ZNF320: variants seen among roughly 807,000 people sequenced by gnomAD.
ZNF320 encodes zinc finger protein 320, also known as zinc finger gene 320.
ZNF320 carries 2 observed loss-of-function variants against 6.8 expected under a neutral mutation model. The observed-to-expected ratio is 0.29, with a 90% CI of 0.12 to 0.93. The LOEUF is 0.93. ZNF320 is among the 40% of genes least tolerant of loss of function. The pLI, the probability that ZNF320 is intolerant of heterozygous loss-of-function variation, is 0.55. For missense variants in ZNF320, 472 were observed against 611.0 expected, an observed-to-expected ratio of 0.77 and a Z score of 2.40; for synonymous variants, 208 against 203.2, an observed-to-expected ratio of 1.02 and a Z score of -0.20.
At position 52,877,907 on chromosome 19, in the gene ZNF320, A is replaced by C. The variant is rs1429967105; in HGVS notation, c.*2689T>G. On this transcript the variant is annotated 3_prime_UTR_variant, in exon 6 of 6. Coordinates refer to ENST00000682928, the MANE Select transcript of ZNF320 (RefSeq NM_001351774.2). ...TCCATCTCAAAAAAACAAAACAAAC[A>C]AAACAGAATTTAAAATACAGAATTA... is the stretch of plus-strand genomic sequence containing the variant. 1 of 152,250 alleles carries C rather than the reference A, an allele frequency of 6.6e-6. No individual in the cohort carries two copies. The highest frequency in any genetic ancestry group is 2.4e-5 in the African/African-American group (1 of 41,468). The allele number at this position is 152,250 out of a possible 1,614,324, so 9.4% of individuals were successfully genotyped here.
At chr19:52,887,046 T>A (rs2064113889) in intron 5 of ZNF320, among the ~76,000 whole-genome samples, 1 of 133,288 alleles carries the variant, frequency 7.5e-6, no homozygotes, top group South Asian at 2.5e-4. Context: ...AAGAAGTAAA[T>A]AAGGAAAGAG....
In ZNF320 at chr19:52,880,353, T is replaced by G. The variant is rs1302539395; in HGVS notation, c.*243A>C. On this transcript the variant is annotated 3_prime_UTR_variant, in exon 6 of 6. Transcript: ENST00000682928. ...ACAGAGCAAGATTCCATCTTAAAAA[T>G]AAATAAATAAATAAAAGAACATACA... is the stretch of plus-strand genomic sequence containing the variant. 7.6e-6 allele frequency: 3 copies of G among 393,130 alleles called. No individual in the cohort carries two copies. The highest frequency in any genetic ancestry group is 1.4e-5 in the Non-Finnish European group (3 of 220,864). 24.4% of individuals were successfully genotyped at this position (393,130 alleles called of 1,614,324 possible).
At chr19:52,863,321 G>A (rs537157355) in exon 6 of ZNF320, among the ~76,000 whole-genome samples, 61 of 152,252 alleles carry the variant, frequency 4.0e-4, no homozygotes, top group Middle Eastern at 3.4e-3. Flanking sequence ...TGGGAAGGTC[G>A]GGCATGGTGG....
chr19:52,884,506 T>C (rs1292959324), intron 5 of ZNF320, among the ~76,000 whole-genome samples: 1 of 152,094 alleles, frequency 6.6e-6, no homozygotes, highest in African/African-American at 2.4e-5. Flanking sequence ...TTAGTAGAGA[T>C]GGGGTTTTAC....
At chr19:52,889,230 A>G (rs2064207167) in intron 4 of ZNF320, among the ~76,000 whole-genome samples, 1 of 151,966 alleles carries the variant, frequency 6.6e-6, no homozygotes, top group Admixed American at 6.6e-5. Context: ...ACTGAAGAGG[A>G]ATCTCATCTT....
chr19:52,899,639 T>C (rs189204527), upstream of ZNF320, among the ~76,000 whole-genome samples: 400 of 152,178 alleles, frequency 2.6e-3, 5 homozygotes, highest in African/African-American at 7.9e-3. Context: ...TTTTTTGTAT[T>C]TTTAGTAGAG....
rs1204683607 is a variant in ZNF320 at position 52,881,513 on chromosome 19, C to G, written c.613G>C (p.Ala205Pro). 6.2e-7 allele frequency: 1 copy of G among 1,613,912 alleles called. No individual in the cohort carries two copies. Among genetic ancestry groups the G allele is most frequent in the Non-Finnish European group, 8.5e-7 (1 of 1,180,004 alleles). The change falls in exon 6 of 6, where the codon GCA becomes CCA. Residue 205 changes from alanine to proline, a missense_variant. This residue lies in a region of ZNF320 where 462 missense variants were observed against 559.7 expected (regional missense o/e 0.83). Transcript: ENST00000682928. ...CCCCTGTGAATTCTAGTATGTTTTG[C>G]CAGGTGTGAATCATGCTTAAAAGCC... ...DKAFKHDSHL[A>P]KHTRIHRGDK...
At chr19:52,889,053 A>G (rs889226940) in intron 4 of ZNF320, among the ~76,000 whole-genome samples, 4 of 151,966 alleles carry the variant, frequency 2.6e-5, no homozygotes, top group Non-Finnish European at 5.9e-5. Flanking sequence ...GCGTGGTGGC[A>G]CGCACATGGA....
downstream of ZNF320, among the ~76,000 whole-genome samples, chr19:52,873,599 A>ATC (rs1568700724): frequency 6.6e-6 from 1 of 152,182 alleles, no homozygotes; most frequent in Non-Finnish European, 1.5e-5. Flanking sequence ...TAACAATCTG[A>ATC]TCTCTCTTTT....
At chr19:52,890,983 T>C (rs1347615718) in intron 3 of ZNF320, among the ~76,000 whole-genome samples, 1 of 151,930 alleles carries the variant, frequency 6.6e-6, no homozygotes, top group African/African-American at 2.4e-5. Flanking sequence ...AAACCCTGTC[T>C]CTTACTAAAA....
In ZNF320 at chr19:52,881,480, G is replaced by GT; in HGVS notation, c.645dup (p.His216ThrfsTer5). 1 of 1,614,176 alleles carries GT rather than the reference G, an allele frequency of 6.2e-7. No homozygotes were observed. The highest frequency in any genetic ancestry group is 8.5e-7 in the Non-Finnish European group (1 of 1,180,040). On this transcript the variant is annotated frameshift_variant, in exon 6 of 6. Transcript: ENST00000682928. LOFTEE classifies it low-confidence loss of function (END_TRUNC). ...TTGCCACATTCATTACATGTGTAAT[G>GT]TTTGTCTCCCCTGTGAATTCTAGTA...
At chr19:52,902,639 TTAA>T (rs1156699387), upstream of ZNF320, among the ~76,000 whole-genome samples, 1 of 152,244 alleles carries the variant, frequency 6.6e-6, no homozygotes. Flanking sequence ...CATTTTATAT[TTAA>T]TAATGCTTCT....
chr19:52,894,107 C>T (rs987319101), intron 1 of ZNF320: 4 of 152,150 alleles, frequency 2.6e-5, no homozygotes, highest in Non-Finnish European at 4.4e-5. Flanking sequence ...GAAGAGGGGT[C>T]AGGCAAGGTG....
chr19:52,864,065 A>G, exon 6 of ZNF320: 1 of 501,828 alleles, frequency 2.0e-6, no homozygotes, highest in Non-Finnish European at 3.9e-6. Flanking sequence ...GTTCTCCCAC[A>G]TCACAGCCCT....
chr19:52,889,942 CT>C (rs2064233898), intron 4 of ZNF320, among the ~76,000 whole-genome samples: 1 of 152,168 alleles, frequency 6.6e-6, no homozygotes, highest in South Asian at 2.1e-4. Flanking sequence ...GATGTGGCCC[CT>C]GAACAATCCC....
intron 3 of ZNF320, 163 bp from the exon 4 acceptor site, chr19:52,890,491 A>G (rs1176944146): frequency 1.7e-6 from 1 of 571,662 alleles, no homozygotes; most frequent in African/African-American, 1.9e-5. Flanking sequence ...CCACTACCCT[A>G]CTGGAGGAGT....
chr19:52,874,555 C>A (rs182224344), downstream of ZNF320, among the ~76,000 whole-genome samples: 3 of 152,284 alleles, frequency 2.0e-5, no homozygotes, highest in East Asian at 5.8e-4. Flanking sequence ...TGCCTGAGAA[C>A]CCTAATGTGA....
At chr19:52,883,898 C>A (rs762925125) in intron 5 of ZNF320, among the ~76,000 whole-genome samples, 10 of 151,552 alleles carry the variant, frequency 6.6e-5, no homozygotes, top group Admixed American at 1.3e-4. Flanking sequence ...GATTCCATCT[C>A]AAAAAAAATA....
At chr19:52,889,054 C>T (rs564182493) in intron 4 of ZNF320, among the ~76,000 whole-genome samples, 5 of 151,908 alleles carry the variant, frequency 3.3e-5, no homozygotes, top group East Asian at 1.9e-4. Context: ...CGTGGTGGCA[C>T]GCACATGGAG....
Sources: gnomAD v4.1 joint callset for allele counts (sites outside exome capture counted in the v4.1 genomes callset) on GRCh38, gnomAD v4.1.1 for gene constraint, gnomAD v4.1.1 regional missense constraint, MANE v1.5 for transcripts, NCBI Gene and HGNC (gene_info 2026-07-23, HGNC 2026-07-21) for gene names.